Variants in ENTREP2 observed in about 807,000 individuals in gnomAD.
ENTREP2 encodes the protein protein ENTREP2.
the ENTREP2 span, among the ~76,000 whole-genome samples, chr15:29,139,460 A>G: frequency 6.6e-6 from 1 of 152,262 alleles, no homozygotes; most frequent in African/African-American, 2.4e-5. Flanking sequence ...CCTCAGGTCT[A>G]ATCAGGAAAT....
At chr15:29,369,229 GCTGAATGAAAT>G in the ENTREP2 span, among the ~76,000 whole-genome samples, 1 of 152,236 alleles carries the variant, frequency 6.6e-6, no homozygotes, top group East Asian at 1.9e-4. Context: ...ACACATCCAA[GCTGAATGAAAT>G]CTGAGTAGAA....
chr15:29,559,195 T>C, the ENTREP2 span, among the ~76,000 whole-genome samples: 1 of 152,164 alleles, frequency 6.6e-6, no homozygotes, highest in Non-Finnish European at 1.5e-5. Context: ...CATTAGTTCT[T>C]GTGATCGATC....
chr15:29,614,497 T>C, the ENTREP2 span, among the ~76,000 whole-genome samples: 1 of 152,106 alleles, frequency 6.6e-6, no homozygotes, highest in East Asian at 1.9e-4. Context: ...GCTCAATAAA[T>C]ATTTGTCTGC....
At chr15:29,446,439 T>C in the ENTREP2 span, among the ~76,000 whole-genome samples, 1 of 152,144 alleles carries the variant, frequency 6.6e-6, no homozygotes, top group African/African-American at 2.4e-5. Context: ...TCTTGCTGCC[T>C]GGAAGACAGA....
the ENTREP2 span, among the ~76,000 whole-genome samples, chr15:29,609,318 G>C: frequency 1.9e-4 from 28 of 150,014 alleles, 1 homozygote; most frequent in African/African-American, 6.6e-4. Context: ...TCTGAATTTT[G>C]CTATCACAAT....
the ENTREP2 span, among the ~76,000 whole-genome samples, chr15:29,503,456 G>T: frequency 1.7e-4 from 26 of 152,218 alleles, no homozygotes; most frequent in African/African-American, 6.3e-4. Flanking sequence ...GGAGGTGACT[G>T]CTAACAGTTA....
the ENTREP2 span, among the ~76,000 whole-genome samples, chr15:29,524,358 AAAC>A: frequency 6.6e-6 from 1 of 152,218 alleles, no homozygotes; most frequent in Non-Finnish European, 1.5e-5. Flanking sequence ...GTAATAAAAA[AAAC>A]TAGAAAATAC....
the ENTREP2 span, among the ~76,000 whole-genome samples, chr15:29,426,070 G>T: frequency 3.3e-5 from 5 of 150,802 alleles, no homozygotes; most frequent in South Asian, 2.1e-4. Flanking sequence ...TTAAATAATT[G>T]ATTTATTTTA....
chr15:29,407,571 C>T, the ENTREP2 span, among the ~76,000 whole-genome samples: 1 of 152,116 alleles, frequency 6.6e-6, no homozygotes, highest in African/African-American at 2.4e-5. Context: ...TCCCTAGGAG[C>T]CATAGTGCAC....
chr15:29,497,719 A>G, the ENTREP2 span, among the ~76,000 whole-genome samples: 30 of 152,088 alleles, frequency 2.0e-4, no homozygotes, highest in Non-Finnish European at 3.7e-4. Flanking sequence ...TATCTTTTCA[A>G]AAAACCAACT....
chr15:29,394,761 C>T, the ENTREP2 span, among the ~76,000 whole-genome samples: 17 of 152,148 alleles, frequency 1.1e-4, no homozygotes, highest in East Asian at 3.9e-4. Context: ...CCCCTGACAA[C>T]CACCATTCTT....
At chr15:29,655,502 C>A in the ENTREP2 span, among the ~76,000 whole-genome samples, 1 of 151,812 alleles carries the variant, frequency 6.6e-6, no homozygotes, top group Admixed American at 6.5e-5. Context: ...ACAAGACACA[C>A]AAGAAAGCAA....
At chr15:29,635,747 A>G in the ENTREP2 span, among the ~76,000 whole-genome samples, 1 of 152,174 alleles carries the variant, frequency 6.6e-6, no homozygotes, top group African/African-American at 2.4e-5. Flanking sequence ...AGGAATCAAA[A>G]CAGAGGTGTC....
chr15:29,610,797 A>G, the ENTREP2 span: 2 of 145,392 alleles, frequency 1.4e-5, no homozygotes, highest in Non-Finnish European at 3.1e-5. Context: ...CCCATCCCCT[A>G]TGTGACTATT....
chr15:29,534,106 C>CAAAAAAAAAAAA, the ENTREP2 span, among the ~76,000 whole-genome samples: 1 of 44,908 alleles, frequency 2.2e-5, no homozygotes, highest in African/African-American at 8.0e-5. Flanking sequence ...GCCCCTTGGC[C>CAAAAAAAAAAAA]AAAAAAAAAA....
the ENTREP2 span, among the ~76,000 whole-genome samples, chr15:29,606,380 G>A: frequency 6.2e-4 from 94 of 151,554 alleles, no homozygotes; most frequent in Middle Eastern, 3.4e-3. Context: ...GACTACAAGC[G>A]CGCGCCACCA....
chr15:29,513,811 G>A, the ENTREP2 span, among the ~76,000 whole-genome samples: 1 of 152,218 alleles, frequency 6.6e-6, no homozygotes, highest in Non-Finnish European at 1.5e-5. Context: ...CATCTCTGCA[G>A]TATGGCCCCA....
the ENTREP2 span, among the ~76,000 whole-genome samples, chr15:29,319,030 T>G: frequency 6.6e-6 from 1 of 152,206 alleles, no homozygotes; most frequent in Non-Finnish European, 1.5e-5. Context: ...GTACCTACTC[T>G]ATTCAAAACA....
the ENTREP2 span, among the ~76,000 whole-genome samples, chr15:29,356,955 G>A: frequency 2.6e-5 from 4 of 152,048 alleles, no homozygotes; most frequent in African/African-American, 9.7e-5. Context: ...GAAAGCTGGG[G>A]GCCCTTCCTC....
Sources: allele counts gnomAD v4.1 joint callset (sites outside exome capture counted in the v4.1 genomes callset), GRCh38; gene constraint gnomAD v4.1.1; transcripts MANE v1.5; gene names NCBI Gene and HGNC (gene_info 2026-07-23, HGNC 2026-07-21).